Variants in HERC3 observed in about 807,000 individuals in gnomAD.
HERC3 encodes the protein HECT and RLD domain containing E3 ubiquitin protein ligase 3.
A neutral mutation model predicts 129.9 loss-of-function variants in HERC3; 58 were observed. The ratio of observed to expected loss-of-function variants is 0.45; its 90% confidence interval spans 0.36 to 0.56. The LOEUF is 0.56. Among genes scored for constraint, HERC3 ranks in the 20% least tolerant of loss-of-function variants. The pLI is 0.00. For synonymous variants in HERC3, 430 were observed against 451.0 expected, an observed-to-expected ratio of 0.95 and a Z score of 0.59; for missense variants, 835 against 1,244.2, an observed-to-expected ratio of 0.67 and a Z score of 4.95.
intron 6 of HERC3, 57 bp downstream of exon 6, chr4:88,653,147 T>G: frequency 6.5e-7 from 1 of 1,529,468 alleles, no homozygotes; most frequent in African/African-American, 1.4e-5. Context: ...ATTTAACACA[T>G]GCTTCTTGAG....
the HERC3 span, among the ~76,000 whole-genome samples, chr4:88,535,737 A>G: frequency 2.0e-5 from 3 of 152,128 alleles, no homozygotes; most frequent in Admixed American, 2.0e-4. Flanking sequence ...GTCCCACACG[A>G]ATGACCTCAT....
intron 3 of HERC3, among the ~76,000 whole-genome samples, chr4:88,626,664 T>C (rs1726133232): frequency 6.6e-6 from 1 of 152,106 alleles, no homozygotes; most frequent in African/African-American, 2.4e-5. Context: ...GTTCATGTCT[T>C]TTGAGGAATT....
the HERC3 span, chr4:88,527,288 A>G: frequency 0.026 from 3,604 of 138,616 alleles, 112 homozygotes; most frequent in African/African-American, 0.083. Flanking sequence ...ATCTTGCTCT[A>G]TCTCCCAGGC....
At chr4:88,666,682 A>G (rs1301072544) in intron 12 of HERC3, among the ~76,000 whole-genome samples, 5 of 152,200 alleles carry the variant, frequency 3.3e-5, no homozygotes, top group African/African-American at 1.2e-4. Context: ...CAAATGTGGT[A>G]TGTTCAAGAG....
intron 3 of HERC3, among the ~76,000 whole-genome samples, chr4:88,606,788 C>T (rs1383133105): frequency 1.3e-5 from 2 of 152,156 alleles, no homozygotes; most frequent in Admixed American, 1.3e-4. Context: ...ATTTACCTCC[C>T]ACTGGATCCC....
intron 4 of HERC3, among the ~76,000 whole-genome samples, chr4:88,651,273 A>C (rs1019300370): frequency 1.3e-5 from 2 of 152,200 alleles, no homozygotes; most frequent in Non-Finnish European, 1.5e-5. Flanking sequence ...TTCATGTTCA[A>C]ATTATGGATG....
At chr4:88,682,012 A>C (rs1732833348) in intron 21 of HERC3, among the ~76,000 whole-genome samples, 1 of 152,236 alleles carries the variant, frequency 6.6e-6, no homozygotes, top group Non-Finnish European at 1.5e-5. Context: ...GAACATGTGA[A>C]TATGAAGGGC....
chr4:88,572,534 A>G, the HERC3 span, among the ~76,000 whole-genome samples: 10 of 151,292 alleles, frequency 6.6e-5, no homozygotes, highest in Admixed American at 6.6e-5. Context: ...CTTTTGGCCG[A>G]GTGTGGTGGC....
At chr4:88,676,842 TA>T (rs1331922310) in intron 18 of HERC3, among the ~76,000 whole-genome samples, 5 of 152,158 alleles carry the variant, frequency 3.3e-5, no homozygotes, top group Admixed American at 1.3e-4. Context: ...TTTCACCCAT[TA>T]AAAAAATGTA....
At chr4:88,617,175 CAAAAAA>C (rs1162260456) in intron 3 of HERC3, among the ~76,000 whole-genome samples, 8 of 31,858 alleles carry the variant, frequency 2.5e-4, no homozygotes, top group African/African-American at 7.1e-4. Context: ...ACCCTGTCTC[CAAAAAA>C]AAAAAAAAAA....
intron 3 of HERC3, among the ~76,000 whole-genome samples, chr4:88,644,440 C>T (rs1326479966): frequency 6.6e-6 from 1 of 152,156 alleles, no homozygotes; most frequent in East Asian, 1.9e-4. Flanking sequence ...AAGGAACAAA[C>T]TGTTGATACA....
intron 3 of HERC3, among the ~76,000 whole-genome samples, chr4:88,620,543 A>T (rs1725401019): frequency 6.6e-6 from 1 of 152,034 alleles, no homozygotes; most frequent in Admixed American, 6.5e-5. Flanking sequence ...TATATTCAGG[A>T]TCTCATACCT....
the HERC3 span, among the ~76,000 whole-genome samples, chr4:88,530,712 G>C: frequency 2.0e-5 from 3 of 152,232 alleles, no homozygotes; most frequent in African/African-American, 7.2e-5. Context: ...AAATATTGTA[G>C]GGCTGCATAT....
At chr4:88,655,033 T>A in intron 7 of HERC3, 141 bp from the exon 8 acceptor site, 2 of 658,882 alleles carry the variant, frequency 3.0e-6, no homozygotes, top group Non-Finnish European at 5.0e-6. Context: ...TTAATGAACA[T>A]CCTTACAAAG....
At chr4:88,686,957 G>A (rs1044120114) in intron 22 of HERC3, among the ~76,000 whole-genome samples, 155 bp downstream of exon 22, 3 of 152,178 alleles carry the variant, frequency 2.0e-5, no homozygotes, top group Non-Finnish European at 2.9e-5. Flanking sequence ...TGTTATAGGG[G>A]TTCAGTGGGC....
chr4:88,581,492 G>T, the HERC3 span, among the ~76,000 whole-genome samples: 3 of 151,398 alleles, frequency 2.0e-5, no homozygotes, highest in East Asian at 5.8e-4. Flanking sequence ...TTTTAGTAGA[G>T]ACAGGGTTTT....
chr4:88,551,257 G>A, the HERC3 span, among the ~76,000 whole-genome samples: 8 of 152,116 alleles, frequency 5.3e-5, no homozygotes, highest in South Asian at 2.1e-4. Context: ...CAAAAGCAAT[G>A]GCAACAAAAG....
At chr4:88,677,666 G>A (rs1224849006) in intron 18 of HERC3, among the ~76,000 whole-genome samples, 1 of 152,008 alleles carries the variant, frequency 6.6e-6, no homozygotes, top group Non-Finnish European at 1.5e-5. Flanking sequence ...TTTCTACCAT[G>A]TTTCTTCAAG....
chr4:88,635,276 A>G (rs993564590), intron 3 of HERC3, among the ~76,000 whole-genome samples: 3 of 152,086 alleles, frequency 2.0e-5, no homozygotes, highest in African/African-American at 7.2e-5. Context: ...GAGAGCTGCT[A>G]ACTAGAATAA....
Sources: gnomAD v4.1 joint callset for allele counts (sites outside exome capture counted in the v4.1 genomes callset) on GRCh38, gnomAD v4.1.1 for gene constraint, MANE v1.5 for transcripts, NCBI Gene and HGNC (gene_info 2026-07-23, HGNC 2026-07-21) for gene names.